The following BRD1 variants were observed in gnomAD, a reference collection of about 807,000 sequenced individuals.
The protein encoded by BRD1 is bromodomain containing 1, also known as bromodomain-containing protein 1.
In BRD1, 24 loss-of-function variants were observed where a neutral mutation model predicts 107.7. The observed-to-expected ratio is 0.22, with a 90% confidence interval of 0.16 to 0.31. BRD1 has a LOEUF of 0.31. BRD1 is among the 10% of genes least tolerant of loss of function. BRD1 has a pLI of 1.00. For missense variants in BRD1, 1,279 were observed against 1,638.6 expected (o/e 0.78, Z 3.79); for synonymous variants, 744 against 686.1 (o/e 1.08, Z -1.32).
chr22:49,826,813 C>T (rs940889221), intron 1 of BRD1, among the ~76,000 whole-genome samples: 2 of 152,194 alleles, frequency 1.3e-5, no homozygotes, highest in Non-Finnish European at 2.9e-5. Context: ...GGCCGCACCC[C>T]GCGGGGCAGG....
intron 4 of BRD1, 48 bp downstream of exon 4, chr22:49,798,940 C>T (rs371217247): frequency 1.5e-5 from 24 of 1,552,824 alleles, no homozygotes; most frequent in Admixed American, 9.0e-5. Flanking sequence ...GTCCCACCCA[C>T]GCCCCGTGGC....
intron 8 of BRD1, among the ~76,000 whole-genome samples, chr22:49,779,907 G>T (rs1014932136): frequency 6.6e-6 from 1 of 152,128 alleles, no homozygotes; most frequent in Admixed American, 6.5e-5. Context: ...CTGCCAACGC[G>T]TGTGACCCGT....
In BRD1 at chr22:49,824,648, C is replaced by A. The variant is rs915413809; in HGVS notation, c.-14-317G>T. 1.7e-6 allele frequency: 2 copies of A among 1,157,842 alleles called. No individual in the cohort carries two copies. Among genetic ancestry groups the A allele is most frequent in the African/African-American group, 1.6e-5 (1 of 63,732 alleles). 71.7% of individuals were successfully genotyped at this position (1,157,842 alleles called of 1,614,324 possible). A position where few individuals can be genotyped will look rare whatever the true frequency, so the allele number is the denominator to read the frequency against. On this transcript the variant is annotated intron_variant, in intron 1 of 12. Coordinates refer to ENST00000404760, the MANE Select transcript of BRD1 (RefSeq NM_001304808.3). This position sits in a 1 kb window ranked among gnomAD's most constrained non-coding sequence, Gnocchi z 5.9. Reference sequence around the variant, plus strand: ...CTGCGGAGACCACAGCAACGCTCCCCAAGGAGGAGGGGTCCGGCCCAGAGC... The same window carrying A: ...CTGCGGAGACCACAGCAACGCTCCCAAAGGAGGAGGGGTCCGGCCCAGAGC...
At chr22:49,825,449 G>A (rs1169721390) in intron 1 of BRD1, among the ~76,000 whole-genome samples, 2 of 152,174 alleles carry the variant, frequency 1.3e-5, no homozygotes, top group African/African-American at 4.8e-5. Context: ...TCGTGGCAGA[G>A]GCCTCTGCTG....
intron 4 of BRD1, 55 bp downstream of exon 4, chr22:49,798,933 C>G (rs2059588018): frequency 6.5e-7 from 1 of 1,542,078 alleles, no homozygotes; most frequent in Non-Finnish European, 8.7e-7. Flanking sequence ...TGCCAGCGTC[C>G]CACCCACGCC....
In BRD1 at chr22:49,774,013, G is replaced by T; in HGVS notation, c.*220C>A. The T allele has an allele frequency of 2.0e-6, 1 of 488,926 alleles. No individual in the cohort carries two copies. Among genetic ancestry groups the T allele is most frequent in the Non-Finnish European group, 3.5e-6 (1 of 282,322 alleles). 30.3% of individuals were successfully genotyped at this position (488,926 alleles called of 1,614,324 possible). A position where few individuals can be genotyped will look rare whatever the true frequency, so the allele number is the denominator to read the frequency against. On this transcript the variant is annotated 3_prime_UTR_variant, in exon 13 of 13. Transcript: ENST00000404760. Reference sequence around the variant, plus strand: ...CGCCAGCAGCACGGCCTGGGGACGTGCGACAGACGCACTGGGCTGCCCGGA... The same window carrying T: ...CGCCAGCAGCACGGCCTGGGGACGTTCGACAGACGCACTGGGCTGCCCGGA...
intron 2 of BRD1, among the ~76,000 whole-genome samples, chr22:49,821,623 G>C (rs183702474): frequency 1.4e-4 from 21 of 149,060 alleles, no homozygotes; most frequent in African/African-American, 5.0e-4. Flanking sequence ...TTTTTTTTGA[G>C]ACACAGTTTC....
At chr22:49,796,249 C>G (rs1392613999) in intron 6 of BRD1, among the ~76,000 whole-genome samples, 1 of 152,028 alleles carries the variant, frequency 6.6e-6, no homozygotes, top group Non-Finnish European at 1.5e-5. Flanking sequence ...CGCCACCATG[C>G]CTGGCTAATT....
chr22:49,798,810 G>C, intron 4 of BRD1, 124 bp from the exon 5 acceptor site: 1 of 1,439,036 alleles, frequency 6.9e-7, no homozygotes, highest in East Asian at 2.5e-5. Flanking sequence ...ATAGGACAAC[G>C]CAGCCTCCAC....
Position 49,788,421 on chromosome 22 carries a change from G to A in BRD1, c.2360-534C>T, listed in dbSNP as rs888028765. Among the ~76,000 whole-genome samples the A allele has an allele frequency of 2.0e-5, 3 of 152,072 alleles. No homozygotes were observed. In the East Asian group the frequency reaches 5.8e-4, roughly 29 times the overall value. On this transcript the variant is annotated intron_variant, in intron 7 of 12. Transcript: ENST00000404760. ...GTGGCTGTGGATGATTTTCAAGAAA[G>A]GCAGGGAAAAAAGCCCCGCTCCCCA...
chr22:49,777,303 G>A (rs918777334), intron 9 of BRD1, 142 bp from the exon 10 acceptor site: 19 of 1,337,840 alleles, frequency 1.4e-5, no homozygotes, highest in East Asian at 4.7e-5. Flanking sequence ...CTGTGGGTGC[G>A]CAGGTCTGGA....
At chr22:49,780,114 A>G (rs2059176956) in intron 8 of BRD1, among the ~76,000 whole-genome samples, 2 of 152,142 alleles carry the variant, frequency 1.3e-5, no homozygotes, top group South Asian at 2.1e-4. Context: ...TGCGGCCTTC[A>G]CAAGACTGCC....
At chr22:49,776,952 G>A (rs923214355) in intron 10 of BRD1, 82 bp downstream of exon 10, 166 of 1,576,798 alleles carry the variant, frequency 1.1e-4, no homozygotes, top group Admixed American at 3.7e-4. Context: ...TCCCTGAGCC[G>A]GAGTCCAGTC....
intron 2 of BRD1, among the ~76,000 whole-genome samples, chr22:49,808,451 TGTGAGGGACTGAA>T (rs1366215581): frequency 6.6e-6 from 1 of 152,194 alleles, no homozygotes; most frequent in Non-Finnish European, 1.5e-5. Flanking sequence ...ATTGCGCTTA[TGTGAGGGACTGAA>T]GAGGAGTCAA....
chr22:49,809,194 T>C (rs2059802592), intron 2 of BRD1, among the ~76,000 whole-genome samples: 1 of 151,982 alleles, frequency 6.6e-6, no homozygotes, highest in South Asian at 2.1e-4. Flanking sequence ...CCAACATAAG[T>C]CAACAGTCTA....
Position 49,823,505 on chromosome 22 carries a change from A to G in BRD1, c.813T>C (p.Cys271=), listed in dbSNP as rs757747965. ...CLQSRARPAD[C]VLCPNKGGAF... ...CACCACCCTTGTTGGGGCACAGCAC[A>G]CAGTCGGCGGGCCGGGCCCGCGACT... The change falls in exon 2 of 13, where the codon TGT becomes TGC. Residue 271 remains cysteine (C), a synonymous_variant. Transcript: ENST00000404760. 1.2e-6 allele frequency: 2 copies of G among 1,604,168 alleles called. No individual in the cohort carries two copies. The highest frequency in any genetic ancestry group is 1.1e-5 in the South Asian group (1 of 91,000).
rs2059027261 is a variant in BRD1, at chr22:49,773,545, C to T, written c.*688G>A. 6.6e-6 allele frequency: 1 copy of T among 152,632 alleles called. No homozygotes were observed. The allele number at this position is 152,632 out of a possible 1,614,324, so 9.5% of individuals were successfully genotyped here. ...TACACACAGGCCAGAGTCATTTATACAATGCAATGCATTCTGCTCCCAAGC... is the reference window on the plus strand; with the variant it reads ...TACACACAGGCCAGAGTCATTTATATAATGCAATGCATTCTGCTCCCAAGC... On this transcript the variant is annotated 3_prime_UTR_variant, in exon 13 of 13. Transcript: ENST00000404760.
chr22:49,784,093 C>T (rs947777066), intron 8 of BRD1, among the ~76,000 whole-genome samples: 20 of 152,278 alleles, frequency 1.3e-4, no homozygotes, highest in Non-Finnish European at 2.4e-4. Context: ...CGCCCCAGCA[C>T]GTGCACATGG....
At position 49,804,045 on chromosome 22, in the gene BRD1, G is replaced by A. The variant is rs545500066; in HGVS notation, c.1524+159C>T. Among the ~76,000 whole-genome samples the A allele has an allele frequency of 9.2e-5, 14 of 152,348 alleles. No homozygotes were observed. In the South Asian group the frequency reaches 2.3e-3, roughly 25 times the overall value. Reference sequence around the variant, plus strand: ...CGCAGATCCAGAGCCCAGTGCACCCGACTCCTCCTACAGCTCCAGGGCTGG... The same window carrying A: ...CGCAGATCCAGAGCCCAGTGCACCCAACTCCTCCTACAGCTCCAGGGCTGG... On this transcript the variant is annotated intron_variant, in intron 3 of 12. Transcript: ENST00000404760.
Sources: gnomAD v4.1 joint callset for allele counts (sites outside exome capture counted in the v4.1 genomes callset) on GRCh38, gnomAD v4.1.1 for gene constraint, Gnocchi (gnomAD v3.1) non-coding constraint, MANE v1.5 for transcripts, NCBI Gene and HGNC (gene_info 2026-07-23, HGNC 2026-07-21) for gene names.